Variants in HACE1 observed in about 807,000 individuals in gnomAD.
The protein encoded by HACE1 is HECT domain and ankyrin repeat containing E3 ubiquitin protein ligase 1.
A neutral mutation model predicts 118.4 loss-of-function variants in HACE1; 73 were observed. The ratio of observed to expected loss-of-function variants is 0.62; its 90% confidence interval spans 0.51 to 0.75. The LOEUF (loss-of-function observed/expected upper bound fraction) is 0.75. HACE1 is among the 30% of genes least tolerant of loss of function. The pLI is 0.00. For synonymous variants in HACE1, 368 were observed against 374.8 expected (o/e 0.98, Z 0.21); for missense variants, 749 against 1,102.2 (o/e 0.68, Z 4.54).
At chr6:104,859,347 C>G (rs556334975) in intron 1 of HACE1, 281 of 513,826 alleles carry the variant, frequency 5.5e-4, no homozygotes, top group Non-Finnish European at 8.5e-4. Context: ...GCGGAACCCC[C>G]ACCAACCCAG....
At chr6:104,794,555 GTC>G (rs1334931425) in intron 10 of HACE1, among the ~76,000 whole-genome samples, 2 of 152,194 alleles carry the variant, frequency 1.3e-5, no homozygotes, top group Non-Finnish European at 2.9e-5. Flanking sequence ...TAGAGATCTT[GTC>G]TGTTTTATTC....
chr6:104,735,721 G>A (rs1775757441), intron 22 of HACE1, among the ~76,000 whole-genome samples: 1 of 151,698 alleles, frequency 6.6e-6, no homozygotes, highest in Non-Finnish European at 1.5e-5. Flanking sequence ...CCTTCTAGAA[G>A]ATAAATGAAT....
intron 22 of HACE1, chr6:104,732,337 A>T (rs1775300868): frequency 6.6e-6 from 1 of 152,220 alleles, no homozygotes; most frequent in East Asian, 1.9e-4. Flanking sequence ...CTGGATTATT[A>T]TTTAGCCAAG....
intron 19 of HACE1, among the ~76,000 whole-genome samples, chr6:104,756,920 G>A (rs1778765111): frequency 6.6e-6 from 1 of 152,240 alleles, no homozygotes; most frequent in Non-Finnish European, 1.5e-5. Flanking sequence ...AGGGTCGCAT[G>A]CCCATGGAGC....
At chr6:104,845,781 C>G (rs1165485505) in intron 4 of HACE1, 2 of 152,166 alleles carry the variant, frequency 1.3e-5, no homozygotes, top group African/African-American at 4.8e-5. Context: ...CCAGCCAACT[C>G]TGGGTAAACT....
In HACE1 at chr6:104,840,143, ACTCT is replaced by A. The variant is rs564498729; in HGVS notation, c.402+3076_402+3079del. On this transcript the variant is annotated intron_variant, in intron 5 of 23. Coordinates refer to ENST00000262903, the MANE Select transcript of HACE1 (RefSeq NM_020771.4). ...GAAACTCGGCAAAAAGTGCAGGGCA[ACTCT>A]CTCTCTCTATTATTTCTTAGCACTG... 3.1e-4 allele frequency among the ~76,000 whole-genome samples: 47 copies of A among 152,008 alleles called. 1 individual carries two copies. Among genetic ancestry groups the A allele is most frequent in the African/African-American group, 9.6e-4 (40 of 41,492 alleles).
rs143435191 is a variant in HACE1 at position 104,769,895 on chromosome 6, G to A, written c.2211+1298C>T. ...AAGTTTCAAAAGGTAAAATTATGTC[G>A]CTTGCTAATAAGTTTCCAATTCCCT... On this transcript the variant is annotated intron_variant, in intron 19 of 23. Coordinates refer to ENST00000262903, the MANE Select transcript of HACE1 (RefSeq NM_020771.4). Among the ~76,000 whole-genome samples, 104 of 151,892 alleles carry A rather than the reference G, an allele frequency of 6.8e-4. No individual in the cohort carries two copies. The East Asian group carries it at 9.3e-3, about 14-fold the overall frequency.
intron 6 of HACE1, among the ~76,000 whole-genome samples, chr6:104,825,094 A>AAG (rs1554257032): frequency 1.3e-5 from 2 of 151,598 alleles, no homozygotes; most frequent in African/African-American, 4.8e-5. Flanking sequence ...AAAAAAAAAA[A>AAG]AAAGAAAGAA....
At chr6:104,743,351 T>C (rs1162412087) in intron 22 of HACE1, among the ~76,000 whole-genome samples, 2 of 151,894 alleles carry the variant, frequency 1.3e-5, no homozygotes, top group African/African-American at 2.4e-5. Flanking sequence ...TATGTAGATA[T>C]ATATTCACTA....
intron 7 of HACE1, among the ~76,000 whole-genome samples, chr6:104,806,743 C>T (rs979603951): frequency 6.6e-6 from 1 of 152,056 alleles, no homozygotes; most frequent in Admixed American, 6.5e-5. Flanking sequence ...ATACTCTCTT[C>T]AAGAAATTGC....
chr6:104,841,744 T>C (rs552511449), intron 5 of HACE1, among the ~76,000 whole-genome samples: 82 of 152,252 alleles, frequency 5.4e-4, no homozygotes, highest in African/African-American at 1.9e-3. Context: ...AAAATATAAA[T>C]ACTATCAAAG....
chr6:104,833,264 T>C, intron 5 of HACE1, 91 bp from the exon 6 acceptor site: 1 of 1,154,448 alleles, frequency 8.7e-7, no homozygotes, highest in Non-Finnish European at 1.3e-6. Flanking sequence ...CTGGGCGTGA[T>C]TTGCACATGC....
At chr6:104,745,842 A>G (rs562764483) in intron 20 of HACE1, among the ~76,000 whole-genome samples, 1 of 152,236 alleles carries the variant, frequency 6.6e-6, no homozygotes, top group East Asian at 1.9e-4. Context: ...CTTAAATAAG[A>G]TTGATATAAG....
At chr6:104,839,248 T>C (rs1336464264) in intron 5 of HACE1, among the ~76,000 whole-genome samples, 1 of 152,232 alleles carries the variant, frequency 6.6e-6, no homozygotes, top group Non-Finnish European at 1.5e-5. Flanking sequence ...TTACTCATAA[T>C]AGCCTCAAAC....
chr6:104,832,271 AC>A (rs1774073120), intron 6 of HACE1, among the ~76,000 whole-genome samples: 2 of 152,250 alleles, frequency 1.3e-5, no homozygotes, highest in Non-Finnish European at 2.9e-5. Context: ...TGAATATACT[AC>A]ATTTAAAAAT....
intron 11 of HACE1, 51 bp from the exon 12 acceptor site, chr6:104,785,370 A>G (rs970634004): frequency 7.0e-6 from 3 of 428,700 alleles, no homozygotes; most frequent in Admixed American, 7.7e-5. Context: ...CTACAGGATT[A>G]AAAAAAAAAA....
chr6:104,769,354 A>G (rs1228355741), intron 19 of HACE1, among the ~76,000 whole-genome samples: 1 of 152,172 alleles, frequency 6.6e-6, no homozygotes, highest in Non-Finnish European at 1.5e-5. Flanking sequence ...ATCTGAAAGG[A>G]GTGACAAACC....
chr6:104,800,445 A>G (rs1419124332), intron 7 of HACE1, among the ~76,000 whole-genome samples: 2 of 152,140 alleles, frequency 1.3e-5, no homozygotes, highest in African/African-American at 2.4e-5. Context: ...TAGCCTAACT[A>G]GGAGACACCT....
intron 6 of HACE1, among the ~76,000 whole-genome samples, chr6:104,831,660 G>A (rs1208579429): frequency 1.3e-5 from 2 of 151,826 alleles, no homozygotes; most frequent in African/African-American, 2.4e-5. Flanking sequence ...TTAGGAGGCC[G>A]AGGCAGGCGG....
Sources: gnomAD v4.1 joint callset for allele counts (sites outside exome capture counted in the v4.1 genomes callset) on GRCh38, gnomAD v4.1.1 for gene constraint, MANE v1.5 for transcripts, NCBI Gene and HGNC (gene_info 2026-07-23, HGNC 2026-07-21) for gene names.